CTNNA2: variants seen among roughly 807,000 people sequenced by gnomAD.
CTNNA2 encodes catenin alpha 2, also known as catenin alpha-2.
CTNNA2 carries 42 observed loss-of-function variants against 101.0 expected under a neutral mutation model. The observed-to-expected ratio is 0.42, with a 90% CI of 0.32 to 0.54. The LOEUF is 0.54. Among genes scored for constraint, CTNNA2 ranks in the 20% least tolerant of loss-of-function variants. The pLI, the probability that CTNNA2 is intolerant of heterozygous loss-of-function variation, is 0.14. For missense variants in CTNNA2, 871 were observed against 1,223.1 expected, an observed-to-expected ratio of 0.71 and a Z score of 4.29; for synonymous variants, 450 against 456.4, an observed-to-expected ratio of 0.99 and a Z score of 0.18.
intron 4 of CTNNA2, among the ~76,000 whole-genome samples, chr2:79,864,203 G>A (rs528587344): frequency 6.6e-6 from 1 of 152,192 alleles, no homozygotes; most frequent in Non-Finnish European, 1.5e-5. Context: ...AGGAAAATAG[G>A]GTTCTATTAC....
At chr2:79,819,002 C>T (rs1352080325) in intron 3 of CTNNA2, among the ~76,000 whole-genome samples, 6 of 144,700 alleles carry the variant, frequency 4.1e-5, no homozygotes, top group African/African-American at 1.0e-4. Flanking sequence ...TTAATTGAGA[C>T]GGAGTCTCAC....
chr2:79,551,292 C>G (rs1455803889), intron 1 of CTNNA2, among the ~76,000 whole-genome samples: 4 of 151,840 alleles, frequency 2.6e-5, no homozygotes, highest in Non-Finnish European at 5.9e-5. Context: ...GAGAAGGCAA[C>G]AGGGGAAAGA....
intron 7 of CTNNA2, among the ~76,000 whole-genome samples, chr2:80,101,072 G>C (rs377453608): frequency 6.6e-6 from 1 of 152,154 alleles, no homozygotes; most frequent in Non-Finnish European, 1.5e-5. Flanking sequence ...GGAGAGGATT[G>C]TTTGATATGA....
At chr2:80,525,467 G>C (rs1016390054) in intron 9 of CTNNA2, among the ~76,000 whole-genome samples, 3 of 152,062 alleles carry the variant, frequency 2.0e-5, no homozygotes, top group Admixed American at 6.6e-5. Flanking sequence ...CAGCGACTCT[G>C]AATCTGATTT....
At chr2:79,903,936 C>T (rs1254288340) in intron 6 of CTNNA2, among the ~76,000 whole-genome samples, 1 of 152,124 alleles carries the variant, frequency 6.6e-6, no homozygotes, top group Non-Finnish European at 1.5e-5. Flanking sequence ...GTTAACTATG[C>T]CCCCCAGCAG....
At position 80,021,575 on chromosome 2, in the gene CTNNA2, A is replaced by G. The variant is rs542654680; in HGVS notation, c.1056+111778A>G. 3.3e-5 allele frequency among the ~76,000 whole-genome samples: 5 copies of G among 152,332 alleles called. No homozygotes were observed. In the East Asian group the frequency reaches 9.7e-4, roughly 29 times the overall value. On this transcript the variant is annotated intron_variant, in intron 7 of 18. Coordinates refer to ENST00000402739, the MANE Select transcript of CTNNA2 (RefSeq NM_001282597.3). ...AATGGAAATGACAGTTTATGGTTACATGGCCTAATAGTATTATTTTATTTT... is the reference window on the plus strand; with the variant it reads ...AATGGAAATGACAGTTTATGGTTACGTGGCCTAATAGTATTATTTTATTTT...
At chr2:79,267,900 A>G (rs1240215038) in intron 2 of CTNNA2, among the ~76,000 whole-genome samples, 1 of 152,146 alleles carries the variant, frequency 6.6e-6, no homozygotes, top group Non-Finnish European at 1.5e-5. Context: ...TAGGAGATAA[A>G]GATGCAAGAA....
chr2:80,066,811 A>C (rs1170728927), intron 7 of CTNNA2, among the ~76,000 whole-genome samples: 1 of 152,212 alleles, frequency 6.6e-6, no homozygotes, highest in African/African-American at 2.4e-5. Flanking sequence ...CGTTATTCAC[A>C]ATAGCCAAAA....
chr2:80,578,086 G>C (rs1012396568), intron 13 of CTNNA2, among the ~76,000 whole-genome samples: 1 of 152,166 alleles, frequency 6.6e-6, no homozygotes, highest in African/African-American at 2.4e-5. Flanking sequence ...TTTTGCAACT[G>C]ACATGTGGTA....
At chr2:80,252,793 G>A (rs1671865886) in intron 7 of CTNNA2, among the ~76,000 whole-genome samples, 2 of 152,160 alleles carry the variant, frequency 1.3e-5, no homozygotes, top group African/African-American at 4.8e-5. Context: ...GGTTACAAGA[G>A]GACTTGTAGG....
intron 3 of CTNNA2, among the ~76,000 whole-genome samples, chr2:79,749,491 A>C (rs1671867926): frequency 6.6e-6 from 1 of 152,210 alleles, no homozygotes; most frequent in Non-Finnish European, 1.5e-5. Flanking sequence ...TTATGACTAA[A>C]GTCATGTGAT....
intron 15 of CTNNA2, among the ~76,000 whole-genome samples, chr2:80,592,197 C>G (rs1402254864): frequency 2.6e-5 from 4 of 152,078 alleles, no homozygotes; most frequent in Non-Finnish European, 4.4e-5. Flanking sequence ...GCACTAGACT[C>G]AAAAATCATA....
At chr2:80,558,854 A>G (rs901173854) in intron 12 of CTNNA2, among the ~76,000 whole-genome samples, 2 of 151,972 alleles carry the variant, frequency 1.3e-5, no homozygotes, top group African/African-American at 4.8e-5. Flanking sequence ...TTTTTGTTTG[A>G]TATTTTATTT....
At chr2:79,191,383 A>G (rs1673868150) in intron 1 of CTNNA2, among the ~76,000 whole-genome samples, 1 of 152,152 alleles carries the variant, frequency 6.6e-6, no homozygotes, top group Non-Finnish European at 1.5e-5. Context: ...CAGGGATGAG[A>G]CAATTAACTG....
chr2:79,506,311 A>G (rs537038064), intron 5 of CTNNA2, among the ~76,000 whole-genome samples: 1 of 151,184 alleles, frequency 6.6e-6, no homozygotes, highest in Non-Finnish European at 1.5e-5. Flanking sequence ...TGCATGTGTT[A>G]CAAGTTAAAA....
At chr2:80,311,421 C>A (rs550310459) in intron 7 of CTNNA2, among the ~76,000 whole-genome samples, 2 of 152,226 alleles carry the variant, frequency 1.3e-5, no homozygotes, top group East Asian at 3.9e-4. Flanking sequence ...GGGGCCCCGA[C>A]CTGTATTTCT....
At chr2:80,390,073 G>C (rs1035105048) in intron 7 of CTNNA2, among the ~76,000 whole-genome samples, 1 of 152,272 alleles carries the variant, frequency 6.6e-6, no homozygotes, top group Non-Finnish European at 1.5e-5. Context: ...TGGAGAAAAA[G>C]CTGGCTCATT....
At chr2:80,213,118 G>A (rs184201906) in intron 7 of CTNNA2, among the ~76,000 whole-genome samples, 41 of 151,716 alleles carry the variant, frequency 2.7e-4, no homozygotes, top group African/African-American at 9.4e-4. Flanking sequence ...TTCTTTATTT[G>A]TCTTGCTAGC....
intron 9 of CTNNA2, among the ~76,000 whole-genome samples, chr2:80,529,977 T>C (rs76491764): frequency 0.027 from 4,055 of 151,922 alleles, 192 homozygotes; most frequent in African/African-American, 0.09. Context: ...TGGCTCGGGG[T>C]TTGTGTACAC....
Sources: gnomAD v4.1 joint callset for allele counts (sites outside exome capture counted in the v4.1 genomes callset) on GRCh38, gnomAD v4.1.1 for gene constraint, MANE v1.5 for transcripts, NCBI Gene and HGNC (gene_info 2026-07-23, HGNC 2026-07-21) for gene names.